Variants in DSCAM observed in about 807,000 individuals in gnomAD.
DSCAM encodes DS cell adhesion molecule.
In DSCAM, 47 loss-of-function variants were observed where a neutral mutation model predicts 217.7. The ratio of observed to expected loss-of-function variants is 0.22; its 90% CI spans 0.17 to 0.28. DSCAM has a LOEUF of 0.28. DSCAM is among the 10% of genes least tolerant of loss of function. The pLI is 1.00. For synonymous variants in DSCAM, 1,056 were observed against 1,015.3 expected (o/e 1.04, Z -0.76); for missense variants, 2,080 against 2,618.3 (o/e 0.79, Z 4.49).
chr21:40,809,021 T>C (rs550631797), intron 1 of DSCAM, among the ~76,000 whole-genome samples: 3 of 152,228 alleles, frequency 2.0e-5, no homozygotes, highest in African/African-American at 7.2e-5. Flanking sequence ...ATCTGATTGT[T>C]CTTGAACAAT....
intron 11 of DSCAM, among the ~76,000 whole-genome samples, chr21:40,211,093 C>G (rs539511188): frequency 6.6e-6 from 1 of 152,204 alleles, no homozygotes; most frequent in Non-Finnish European, 1.5e-5. Context: ...GCTGTTTTAT[C>G]GTTTTGAGAA....
intron 3 of DSCAM, among the ~76,000 whole-genome samples, chr21:40,514,818 T>C (rs755083441): frequency 3.9e-5 from 6 of 152,184 alleles, no homozygotes; most frequent in Non-Finnish European, 7.3e-5. Flanking sequence ...ATCCCACATA[T>C]TCCTCTCCAA....
intron 3 of DSCAM, among the ~76,000 whole-genome samples, chr21:40,555,576 G>A (rs1247961033): frequency 6.6e-6 from 1 of 152,044 alleles, no homozygotes; most frequent in South Asian, 2.1e-4. Flanking sequence ...CATATAAAAC[G>A]TTTATTCTAA....
At chr21:40,426,089 TG>T (rs1732177839) in intron 3 of DSCAM, among the ~76,000 whole-genome samples, 1 of 152,182 alleles carries the variant, frequency 6.6e-6, no homozygotes, top group African/African-American at 2.4e-5. Context: ...AGGGTGTGGC[TG>T]GCCCCATACT....
At chr21:40,164,727 G>C (rs532321615) in intron 16 of DSCAM, among the ~76,000 whole-genome samples, 1 of 152,062 alleles carries the variant, frequency 6.6e-6, no homozygotes, top group African/African-American at 2.4e-5. Flanking sequence ...GCTTGAACTC[G>C]GGAGACACAG....
At chr21:40,032,923 T>C (rs1284842151) in intron 32 of DSCAM, among the ~76,000 whole-genome samples, 2 of 152,204 alleles carry the variant, frequency 1.3e-5, no homozygotes, top group African/African-American at 4.8e-5. Flanking sequence ...CCCACAAATT[T>C]GGGAAAGCAT....
In DSCAM at chr21:40,313,804, T is replaced by C. The variant is rs536462580; in HGVS notation, c.1784-1445A>G. On this transcript the variant is annotated intron_variant, in intron 8 of 32. Coordinates refer to ENST00000400454, the MANE Select transcript of DSCAM (RefSeq NM_001389.5). ...TTGGAAAGAAAAAGGTTTATTTGTA[T>C]GCAGGGGCTTGGAAATGACTAAGAG... Among the ~76,000 whole-genome samples, 17 of 152,322 alleles carry C rather than the reference T, an allele frequency of 1.1e-4. 1 individual carries two copies. The highest frequency in any genetic ancestry group is 2.6e-4 in the Admixed American group (4 of 15,300).
intron 3 of DSCAM, among the ~76,000 whole-genome samples, chr21:40,621,959 GGAAA>G (rs1279287202): frequency 2.8e-5 from 4 of 142,906 alleles, no homozygotes; most frequent in African/African-American, 5.2e-5. Context: ...AAGGAAGGAA[GGAAA>G]GAAAGGAGGG....
chr21:40,586,102 C>G (rs2076944629), intron 3 of DSCAM, among the ~76,000 whole-genome samples: 1 of 152,192 alleles, frequency 6.6e-6, no homozygotes, highest in Non-Finnish European at 1.5e-5. Flanking sequence ...AATGATCCAT[C>G]CACCTCAGCC....
intron 3 of DSCAM, among the ~76,000 whole-genome samples, chr21:40,376,812 A>C (rs2074968531): frequency 6.6e-6 from 1 of 151,702 alleles, no homozygotes. Context: ...AAAAATATGC[A>C]CATGTTGAAA....
intron 3 of DSCAM, among the ~76,000 whole-genome samples, chr21:40,497,643 T>C (rs546255520): frequency 6.6e-6 from 1 of 152,344 alleles, no homozygotes; most frequent in South Asian, 2.1e-4. Context: ...AAAATAAGTA[T>C]ATTCAGTAAT....
At chr21:40,245,757 G>T (rs2073215585) in intron 11 of DSCAM, among the ~76,000 whole-genome samples, 1 of 152,126 alleles carries the variant, frequency 6.6e-6, no homozygotes, top group Non-Finnish European at 1.5e-5. Context: ...ATGGGCTTTT[G>T]TGCTTTTCAT....
At chr21:40,611,798 T>C (rs1005278547) in intron 3 of DSCAM, among the ~76,000 whole-genome samples, 1 of 152,074 alleles carries the variant, frequency 6.6e-6, no homozygotes, top group Non-Finnish European at 1.5e-5. Flanking sequence ...GTGAAGCATA[T>C]ACTAAATCAC....
At chr21:40,068,946 A>T (rs780240520) in intron 27 of DSCAM, among the ~76,000 whole-genome samples, 3 of 152,050 alleles carry the variant, frequency 2.0e-5, no homozygotes, top group African/African-American at 7.2e-5. Context: ...TTAGCCGGGC[A>T]TGGTGGTGCA....
chr21:40,718,635 T>TCC (rs1464612535), intron 1 of DSCAM, among the ~76,000 whole-genome samples: 1 of 151,936 alleles, frequency 6.6e-6, no homozygotes, highest in Non-Finnish European at 1.5e-5. Context: ...CCAAAACATG[T>TCC]GGGAATTCAA....
chr21:40,249,124 A>C (rs1190620887), intron 11 of DSCAM, among the ~76,000 whole-genome samples: 1 of 152,230 alleles, frequency 6.6e-6, no homozygotes, highest in African/African-American at 2.4e-5. Context: ...CAGCCAAATC[A>C]TACCAATGAA....
intron 3 of DSCAM, among the ~76,000 whole-genome samples, chr21:40,390,074 C>T (rs535828166): frequency 7.2e-5 from 11 of 152,254 alleles, no homozygotes; most frequent in African/African-American, 1.9e-4. Flanking sequence ...GGGAGCTGCA[C>T]GCATGGACAG....
intron 3 of DSCAM, among the ~76,000 whole-genome samples, chr21:40,553,009 T>C (rs1374932380): frequency 6.6e-6 from 1 of 152,234 alleles, no homozygotes; most frequent in East Asian, 1.9e-4. Flanking sequence ...AACCCGGAAA[T>C]TGAACCATCA....
intron 27 of DSCAM, among the ~76,000 whole-genome samples, chr21:40,068,497 G>T (rs577954275): frequency 6.6e-6 from 1 of 152,030 alleles, no homozygotes; most frequent in Non-Finnish European, 1.5e-5. Context: ...AGTGAATATC[G>T]AAATACAAAA....
Sources: gnomAD v4.1 joint callset for allele counts (sites outside exome capture counted in the v4.1 genomes callset) on GRCh38, gnomAD v4.1.1 for gene constraint, MANE v1.5 for transcripts, NCBI Gene and HGNC (gene_info 2026-07-23, HGNC 2026-07-21) for gene names.